Variants in PPIH observed in about 807,000 individuals in gnomAD.
PPIH encodes the protein peptidyl-prolyl cis-trans isomerase H.
Under a neutral mutation model 27.6 loss-of-function variants are expected in PPIH, and 16 were observed. That is an observed-to-expected ratio of 0.58 (90% CI 0.39 to 0.88). PPIH has a LOEUF of 0.88. PPIH is among the 40% of genes least tolerant of loss of function. The pLI, the probability that PPIH is intolerant of heterozygous loss-of-function variation, is 0.00. For missense variants in PPIH, 155 were observed against 224.1 expected, an observed-to-expected ratio of 0.69 and a Z score of 1.97; for synonymous variants, 63 against 76.1, an observed-to-expected ratio of 0.83 and a Z score of 0.90.
At chr1:42,671,183 C>G (rs112456610) in intron 9 of PPIH, among the ~76,000 whole-genome samples, 10 of 152,036 alleles carry the variant, frequency 6.6e-5, no homozygotes, top group African/African-American at 2.2e-4. Flanking sequence ...AATCCCAGCA[C>G]TTTGGGAGGC....
chr1:42,658,722 T>A lies in PPIH; in HGVS notation c.67-122T>A, dbSNP rs541760952. The stretch of plus-strand genomic sequence containing the variant: ...TTCTGGAGGAACTGGGCGGTTAGAC[T>A]AGGGAGGCGGAGGTGGGAGATACCG... On this transcript the variant is annotated intron_variant, in intron 1 of 9. Coordinates refer to ENST00000304979, the MANE Select transcript of PPIH (RefSeq NM_006347.4). The A allele has an allele frequency of 8.8e-6, 11 of 1,249,900 alleles. No individual in the cohort carries two copies. In the South Asian group the frequency reaches 1.0e-4, roughly 12 times the overall value. The allele number at this position is 1,249,900 out of a possible 1,614,324, so 77.4% of individuals were successfully genotyped here.
Position 42,660,861 on chromosome 1 carries a change from G to C in PPIH, c.201-1G>C. 1 of 1,604,066 alleles carries C rather than the reference G, an allele frequency of 6.2e-7. No homozygotes were observed. The highest frequency in any genetic ancestry group is 2.2e-5 in the East Asian group (1 of 44,502). On this transcript the variant is annotated splice_acceptor_variant, in intron 4 of 9. Transcript: ENST00000304979. LOFTEE classifies it high-confidence loss of function. ...TCAGTATTCTTTGCTCTCTGTTTCA[G>C]GGTCATAAAGGATTTCATGATTCAG...
chr1:42,677,003 T>C (rs570847287), downstream of PPIH, among the ~76,000 whole-genome samples: 1 of 152,268 alleles, frequency 6.6e-6, no homozygotes, highest in Non-Finnish European at 1.5e-5. Context: ...ACTTTACAGC[T>C]CTACTTATTC....
At chr1:42,679,054 T>C (rs1649963091), downstream of PPIH, among the ~76,000 whole-genome samples, 1 of 152,040 alleles carries the variant, frequency 6.6e-6, no homozygotes, top group Admixed American at 6.6e-5. Flanking sequence ...GGCACTGGAG[T>C]TGTCTGTACT....
downstream of PPIH, among the ~76,000 whole-genome samples, chr1:42,677,061 C>T (rs1032610398): frequency 2.6e-5 from 4 of 152,130 alleles, no homozygotes; most frequent in African/African-American, 9.7e-5. Flanking sequence ...GGATTGAGCC[C>T]GTGAGGAAAG....
chr1:42,679,282 C>T (rs1193941750), downstream of PPIH, among the ~76,000 whole-genome samples: 2 of 152,236 alleles, frequency 1.3e-5, no homozygotes, highest in African/African-American at 4.8e-5. Context: ...CTCCGCCTCC[C>T]GGGTTCAAGC....
In PPIH at chr1:42,664,939, C is replaced by T. The variant is rs1266391365; in HGVS notation, c.320C>T (p.Pro107Leu). 6.2e-7 allele frequency: 1 copy of T among 1,613,910 alleles called. No homozygotes were observed. The highest frequency in any genetic ancestry group is 8.5e-7 in the Non-Finnish European group (1 of 1,179,880). Residue 107 changes from proline to leucine, a missense_variant, in exon 6 of 10, where the codon CCA (proline) becomes CTA (leucine). Transcript: ENST00000304979. ...AATTTTAAACTTAGACACTCAGCTC[C>T]AGGCCTGCTTTCCATGGTAAGTGAG... is the stretch of plus-strand genomic sequence containing the variant. ...DENFKLRHSA[P>L]GLLSMANSGP...
chr1:42,660,029 T>C (rs1049495291), intron 4 of PPIH, among the ~76,000 whole-genome samples: 1 of 152,204 alleles, frequency 6.6e-6, no homozygotes, highest in African/African-American at 2.4e-5. Context: ...TAGCACATAA[T>C]TATATCACAG....
chr1:42,665,930 A>T (rs1157754168), intron 6 of PPIH, 50 bp from the exon 7 acceptor site: 83 of 1,492,032 alleles, frequency 5.6e-5, no homozygotes, highest in Non-Finnish European at 7.7e-5. Flanking sequence ...CTTGCCCTTC[A>T]GCTAACATGG....
At chr1:42,667,285 A>G in intron 8 of PPIH, 66 bp from the exon 9 acceptor site, 2 of 1,442,626 alleles carry the variant, frequency 1.4e-6, no homozygotes, top group Admixed American at 1.8e-5. Context: ...AGGCATCAGT[A>G]AAAGTTTGAT....
intron 1 of PPIH, 41 bp downstream of exon 1, chr1:42,658,553 A>G (rs1648786369): frequency 6.3e-7 from 1 of 1,584,078 alleles, no homozygotes; most frequent in Non-Finnish European, 8.7e-7. Flanking sequence ...CCGAAGGGAA[A>G]CTGCTCGGGG....
chr1:42,664,985 T>A (rs1014733794), intron 6 of PPIH, 30 bp downstream of exon 6: 1 of 1,593,590 alleles, frequency 6.3e-7, no homozygotes, highest in Middle Eastern at 1.7e-4. Context: ...GGTTTTGGGT[T>A]ATAGCCAGCT....
intron 3 of PPIH, 63 bp from the exon 4 acceptor site, chr1:42,659,459 G>C (rs771270852): frequency 1.9e-6 from 3 of 1,614,114 alleles, no homozygotes; most frequent in Non-Finnish European, 2.5e-6. Context: ...TCCAGTGCAT[G>C]GTAAACTGGA....
chr1:42,671,489 C>T (rs1485797535), intron 9 of PPIH, among the ~76,000 whole-genome samples: 1 of 152,166 alleles, frequency 6.6e-6, no homozygotes, highest in Non-Finnish European at 1.5e-5. Flanking sequence ...CTAGTGGCTA[C>T]TGTACTGGAC....
intron 5 of PPIH, among the ~76,000 whole-genome samples, chr1:42,662,835 G>A (rs1649115834): frequency 6.6e-6 from 1 of 152,088 alleles, no homozygotes; most frequent in Non-Finnish European, 1.5e-5. Flanking sequence ...GTATATGTGT[G>A]TTTATATAAT....
chr1:42,665,778 G>A (rs371721954), intron 6 of PPIH, among the ~76,000 whole-genome samples: 18 of 152,200 alleles, frequency 1.2e-4, no homozygotes, highest in African/African-American at 4.3e-4. Context: ...TTGAGCCCAG[G>A]AGTTTGAGGC....
At chr1:42,677,669 CA>C (rs911371901), downstream of PPIH, among the ~76,000 whole-genome samples, 1 of 151,952 alleles carries the variant, frequency 6.6e-6, no homozygotes, top group African/African-American at 2.4e-5. Context: ...ACAACAGCAA[CA>C]AAAAAATTAG....
intron 9 of PPIH, among the ~76,000 whole-genome samples, chr1:42,668,988 T>C (rs1450318196): frequency 6.6e-6 from 1 of 151,656 alleles, no homozygotes. Context: ...GGAGGGCAGA[T>C]AGCTTGAGCT....
intron 9 of PPIH, among the ~76,000 whole-genome samples, chr1:42,670,349 T>C (rs1298657486): frequency 6.6e-6 from 1 of 152,168 alleles, no homozygotes; most frequent in Admixed American, 6.6e-5. Flanking sequence ...GGTCCTTTCT[T>C]TTCAAAGACT....
Sources: gnomAD v4.1 joint callset for allele counts (sites outside exome capture counted in the v4.1 genomes callset) on GRCh38, gnomAD v4.1.1 for gene constraint, MANE v1.5 for transcripts, NCBI Gene and HGNC (gene_info 2026-07-23, HGNC 2026-07-21) for gene names.